The following EDIL3 variants were observed in gnomAD, a reference collection of about 807,000 sequenced individuals.
EDIL3 encodes the protein EGF-like repeat and discoidin I-like domain-containing protein 3.
Under a neutral mutation model 67.4 loss-of-function variants are expected in EDIL3, and 37 were observed. The ratio of observed to expected loss-of-function variants is 0.55; its 90% confidence interval spans 0.42 to 0.72. The LOEUF is 0.72. Ranked by LOEUF, EDIL3 falls within the 30% of genes least tolerant of loss-of-function variation. The pLI is 0.00. For synonymous variants in EDIL3, 195 were observed against 196.3 expected (o/e 0.99, Z 0.05); for missense variants, 527 against 586.3 (o/e 0.90, Z 1.04).
chr5:84,383,895 C>T (rs920347006), intron 1 of EDIL3, among the ~76,000 whole-genome samples: 6 of 152,146 alleles, frequency 3.9e-5, no homozygotes, highest in Admixed American at 6.5e-5. Context: ...AACTAGCTGA[C>T]GCCCGGGCGC....
intron 6 of EDIL3, among the ~76,000 whole-genome samples, chr5:84,075,947 TTA>T (rs10546643): frequency 0.29 from 38,040 of 130,456 alleles, 5,166 homozygotes; most frequent in East Asian, 0.38. Context: ...ATTGTGGGTT[TTA>T]TATATATATA....
chr5:84,305,271 G>C (rs1746242406), intron 1 of EDIL3, among the ~76,000 whole-genome samples: 1 of 152,076 alleles, frequency 6.6e-6, no homozygotes, highest in African/African-American at 2.4e-5. Flanking sequence ...ATACATATGT[G>C]AACAAATATA....
intron 1 of EDIL3, among the ~76,000 whole-genome samples, chr5:84,261,791 C>G (rs1342357300): frequency 6.6e-6 from 1 of 152,156 alleles, no homozygotes; most frequent in Non-Finnish European, 1.5e-5. Context: ...TAGACTCACT[C>G]AAAACCACAT....
intron 1 of EDIL3, among the ~76,000 whole-genome samples, chr5:84,319,765 T>C (rs1746595503): frequency 6.6e-6 from 1 of 152,086 alleles, no homozygotes; most frequent in African/African-American, 2.4e-5. Flanking sequence ...TGTCCATCAA[T>C]GATAGACTGG....
intron 4 of EDIL3, among the ~76,000 whole-genome samples, chr5:84,157,750 C>T (rs1748518982): frequency 6.6e-6 from 1 of 151,818 alleles, no homozygotes; most frequent in South Asian, 2.1e-4. Context: ...GATTTTTAAT[C>T]TCTCTAAATT....
chr5:84,021,135 G>A (rs575241831), intron 9 of EDIL3, among the ~76,000 whole-genome samples: 18 of 151,760 alleles, frequency 1.2e-4, no homozygotes, highest in Non-Finnish European at 2.4e-4. Flanking sequence ...TTCTTGGTTA[G>A]TCTGGTTAGT....
intron 2 of EDIL3, among the ~76,000 whole-genome samples, chr5:84,252,493 C>CAAAAAAAAAAAAAGAAAAAAAAAAAA: frequency 3.5e-5 from 1 of 28,944 alleles, no homozygotes; most frequent in Non-Finnish European, 5.8e-5. Flanking sequence ...GACTCCGTCT[C>CAAAAAAAAAAAAAGAAAAAAAAAAAA]AAAAAAAAAA....
At chr5:84,153,408 T>C (rs1018238240) in intron 4 of EDIL3, among the ~76,000 whole-genome samples, 2 of 152,110 alleles carry the variant, frequency 1.3e-5, no homozygotes, top group Non-Finnish European at 2.9e-5. Context: ...GCAATTCTCC[T>C]GTCTCCTCCT....
chr5:84,373,359 C>T (rs1206321437), intron 1 of EDIL3, among the ~76,000 whole-genome samples: 1 of 152,080 alleles, frequency 6.6e-6, no homozygotes, highest in Non-Finnish European at 1.5e-5. Flanking sequence ...CTTCTATAGC[C>T]ATACTCTCAT....
At chr5:84,192,836 A>G (rs773649550) in intron 3 of EDIL3, among the ~76,000 whole-genome samples, 4 of 152,016 alleles carry the variant, frequency 2.6e-5, no homozygotes, top group African/African-American at 4.8e-5. Flanking sequence ...AGAAAAAGTG[A>G]ATGTCATGAA....
At chr5:84,015,809 T>G (rs886994776) in intron 9 of EDIL3, among the ~76,000 whole-genome samples, 3 of 152,116 alleles carry the variant, frequency 2.0e-5, no homozygotes, top group Non-Finnish European at 2.9e-5. Context: ...TAGCAGAAAC[T>G]CTCTTGAGAA....
At chr5:84,116,042 G>A (rs1747656978) in intron 5 of EDIL3, among the ~76,000 whole-genome samples, 1 of 152,128 alleles carries the variant, frequency 6.6e-6, no homozygotes, top group Non-Finnish European at 1.5e-5. Context: ...GCCATGTCAG[G>A]CACTGATTTT....
chr5:84,091,126 A>T (rs1244522280), intron 6 of EDIL3, among the ~76,000 whole-genome samples: 2 of 152,160 alleles, frequency 1.3e-5, no homozygotes, highest in Non-Finnish European at 2.9e-5. Flanking sequence ...AAGAGGTTAC[A>T]AATGCTTTAG....
At chr5:84,301,888 T>C (rs2112131230) in intron 1 of EDIL3, among the ~76,000 whole-genome samples, 1 of 152,310 alleles carries the variant, frequency 6.6e-6, no homozygotes, top group African/African-American at 2.4e-5. Context: ...TATTTTTGCG[T>C]GATTTTTTTT....
chr5:84,054,712 G>A (rs1229229224), intron 9 of EDIL3, among the ~76,000 whole-genome samples: 7 of 151,962 alleles, frequency 4.6e-5, no homozygotes, highest in Non-Finnish European at 8.8e-5. Flanking sequence ...ATTCACAATT[G>A]CTTCAAAGAG....
At chr5:84,368,588 A>G (rs535566456) in intron 1 of EDIL3, among the ~76,000 whole-genome samples, 1 of 152,284 alleles carries the variant, frequency 6.6e-6, no homozygotes, top group Non-Finnish European at 1.5e-5. Context: ...CTTTGATATG[A>G]CACGAAAGGC....
intron 1 of EDIL3, among the ~76,000 whole-genome samples, chr5:84,379,020 G>A (rs983987360): frequency 6.6e-6 from 1 of 152,246 alleles, no homozygotes; most frequent in African/African-American, 2.4e-5. Flanking sequence ...ACAAGGAAAT[G>A]AGGGAGGAGG....
At chr5:84,042,652 A>T (rs1554064986) in intron 9 of EDIL3, among the ~76,000 whole-genome samples, 4 of 152,030 alleles carry the variant, frequency 2.6e-5, no homozygotes, top group Admixed American at 1.3e-4. Flanking sequence ...CTTCCTTTAA[A>T]TTTTTTTTAT....
chr5:84,077,092 T>A (rs1189650933), intron 6 of EDIL3, among the ~76,000 whole-genome samples: 12 of 152,016 alleles, frequency 7.9e-5, no homozygotes, highest in Admixed American at 7.9e-4. Context: ...ATACTCTCTT[T>A]TTTTACTCAT....
Sources: allele counts gnomAD v4.1 joint callset (sites outside exome capture counted in the v4.1 genomes callset), GRCh38; gene constraint gnomAD v4.1.1; transcripts MANE v1.5; gene names NCBI Gene and HGNC (gene_info 2026-07-23, HGNC 2026-07-21).